MEF2D: variants seen among roughly 807,000 people sequenced by gnomAD.
MEF2D encodes the protein myocyte-specific enhancer factor 2D.
A neutral mutation model predicts 59.3 loss-of-function variants in MEF2D; 10 were observed. That is an observed-to-expected ratio of 0.17 (90% CI 0.10 to 0.29). MEF2D has a LOEUF of 0.29. MEF2D is among the 10% of genes least tolerant of loss of function. The probability of loss-of-function intolerance (pLI) is 1.00; values close to 1 mark genes in which losing one functional copy is unlikely to be tolerated. For missense variants in MEF2D, 508 were observed against 699.4 expected, an observed-to-expected ratio of 0.73 and a Z score of 3.09; for synonymous variants, 305 against 295.0, an observed-to-expected ratio of 1.03 and a Z score of -0.35.
At chr1:156,495,640 G>T (rs1256389283) in intron 1 of MEF2D, among the ~76,000 whole-genome samples, 4 of 149,724 alleles carry the variant, frequency 2.7e-5, no homozygotes, top group Non-Finnish European at 5.9e-5. Flanking sequence ...CTCGAGCCTG[G>T]ACAACAGAGC....
At chr1:156,486,205 C>G (rs1672346210) in intron 1 of MEF2D, among the ~76,000 whole-genome samples, 1 of 152,164 alleles carries the variant, frequency 6.6e-6, no homozygotes, top group Non-Finnish European at 1.5e-5. Context: ...AGCCCCAAAC[C>G]AGCTCCAGAC....
At chr1:156,482,686 C>A (rs766667957) in intron 2 of MEF2D, 46 bp from the exon 3 acceptor site, 1 of 1,581,928 alleles carries the variant, frequency 6.3e-7, no homozygotes, top group South Asian at 1.1e-5. Flanking sequence ...TCAGTTAAGG[C>A]CTGATTGGGA....
Position 156,468,944 on chromosome 1 carries a change from G to C in MEF2D, c.1083C>G (p.Val361=), listed in dbSNP as rs766764873. The change falls in exon 10 of 12, where the codon GTC becomes GTG. Residue 361 remains valine (V), a synonymous_variant. Transcript: ENST00000348159. This position sits in a 1 kb window ranked among gnomAD's most constrained non-coding sequence, Gnocchi z 4.3. ...SSPGGLSLGN[V]TAWQQPQQPQ... is the part of the protein sequence containing the mutation. ...GCTGCTGTGGCTGTTGCCAGGCAGTGACATTGCCTAGCGACAGCCCCCCAG... is the reference window on the plus strand; with the variant it reads ...GCTGCTGTGGCTGTTGCCAGGCAGTCACATTGCCTAGCGACAGCCCCCCAG... 1 of 1,613,974 alleles carries C rather than the reference G, an allele frequency of 6.2e-7. No individual in the cohort carries two copies. Among genetic ancestry groups the C allele is most frequent in the Non-Finnish European group, 8.5e-7 (1 of 1,179,920 alleles).
intron 8 of MEF2D, 81 bp downstream of exon 8, chr1:156,476,413 G>A (rs755573557): frequency 4.7e-6 from 7 of 1,496,670 alleles, no homozygotes; most frequent in African/African-American, 1.4e-5. Context: ...GGCCAAGGAC[G>A]CACACGTACT....
chr1:156,492,232 A>G (rs889082269), intron 1 of MEF2D, among the ~76,000 whole-genome samples: 2 of 152,312 alleles, frequency 1.3e-5, no homozygotes, highest in African/African-American at 2.4e-5. Context: ...TTCTAGCTCC[A>G]TTTCCAAAAC....
chr1:156,485,953 G>A (rs1220308598), intron 1 of MEF2D, among the ~76,000 whole-genome samples: 1 of 151,328 alleles, frequency 6.6e-6, no homozygotes, highest in African/African-American at 2.4e-5. Context: ...GGGTTCAAGC[G>A]ATTCTCCTGC....
chr1:156,480,639 TCA>T, intron 4 of MEF2D, 193 bp downstream of exon 4: 1 of 1,547,666 alleles, frequency 6.5e-7, no homozygotes, highest in Non-Finnish European at 8.7e-7. Context: ...ATGCGACTAC[TCA>T]CGGCCAGTCT....
intron 9 of MEF2D, among the ~76,000 whole-genome samples, chr1:156,470,127 T>C (rs1030380792): frequency 6.6e-6 from 1 of 152,222 alleles, no homozygotes. Flanking sequence ...ACAGAATAAA[T>C]AGAATCACTG....
At position 156,478,464 on chromosome 1, in the gene MEF2D, G is replaced by A. The variant is rs60969873; in HGVS notation, c.664+826C>T. On this transcript the variant is annotated intron_variant, in intron 6 of 11. Coordinates refer to ENST00000348159, the MANE Select transcript of MEF2D (RefSeq NM_005920.4). ...ATTCGAAGTCACAGTCACCCAGCCAGACAATGGCACAGGGTAGGAGGGGCT... is the reference window on the plus strand; with the variant it reads ...ATTCGAAGTCACAGTCACCCAGCCAAACAATGGCACAGGGTAGGAGGGGCT... 9.5e-3 allele frequency among the ~76,000 whole-genome samples: 1,451 copies of A among 152,298 alleles called. 16 individuals carry two copies. The highest frequency in any genetic ancestry group is 0.029 in the South Asian group (141 of 4,830).
chr1:156,472,507 G>A (rs551297614), intron 9 of MEF2D, among the ~76,000 whole-genome samples: 6 of 152,318 alleles, frequency 3.9e-5, no homozygotes, highest in East Asian at 1.9e-4. Flanking sequence ...AACCTGCCAC[G>A]AGGGGCTTTC....
chr1:156,471,489 C>T (rs1557877685), intron 9 of MEF2D, among the ~76,000 whole-genome samples: 1 of 152,230 alleles, frequency 6.6e-6, no homozygotes, highest in African/African-American at 2.4e-5. Context: ...CAGTACAGTG[C>T]CTTGCCCAAG....
chr1:156,469,251 G>A (rs984497979), intron 9 of MEF2D, among the ~76,000 whole-genome samples: 3 of 152,076 alleles, frequency 2.0e-5, no homozygotes, highest in Non-Finnish European at 1.5e-5. Flanking sequence ...GAAAAGATGT[G>A]GTTTTTGTTT....
intron 1 of MEF2D, among the ~76,000 whole-genome samples, chr1:156,498,374 A>G (rs939382240): frequency 2.0e-5 from 3 of 151,952 alleles, no homozygotes; most frequent in Admixed American, 2.0e-4. Flanking sequence ...CCCCCAACAC[A>G]AGGATCATGA....
At chr1:156,499,785 G>A (rs895794811) in intron 1 of MEF2D, among the ~76,000 whole-genome samples, 3 of 152,102 alleles carry the variant, frequency 2.0e-5, no homozygotes, top group Non-Finnish European at 1.5e-5. Flanking sequence ...CACATCAGGG[G>A]TCTCGGAAGC....
chr1:156,474,444 C>T (rs1671435190), intron 9 of MEF2D, among the ~76,000 whole-genome samples: 1 of 152,018 alleles, frequency 6.6e-6, no homozygotes, highest in Non-Finnish European at 1.5e-5. Context: ...AGTGAGACTA[C>T]CTCAAAAAAA....
chr1:156,475,193 G>A lies in MEF2D; in HGVS notation c.921C>T (p.Leu307=). The A allele has an allele frequency of 4.3e-6, 7 of 1,614,032 alleles. No homozygotes were observed. The highest frequency in any genetic ancestry group is 3.3e-5 in the Admixed American group (2 of 60,020). ...TTGCCACAGAAACCACTGGGGTGGT[G>A]AGCGAATGAGTAGACTGGGAGACCC... ...RLGVSQSTHS[L]TTPVVSVATP... is the part of the protein sequence containing the mutation. Residue 307 remains leucine, a synonymous_variant, in exon 9 of 12, where the codon CTC becomes CTT. Transcript: ENST00000348159.
intron 1 of MEF2D, among the ~76,000 whole-genome samples, chr1:156,488,008 C>A (rs1386428049): frequency 6.6e-6 from 1 of 152,240 alleles, no homozygotes; most frequent in Non-Finnish European, 1.5e-5. Flanking sequence ...GGCCCCAGGG[C>A]CTGCCCAATC....
chr1:156,473,412 A>G (rs1671370485), intron 9 of MEF2D, among the ~76,000 whole-genome samples: 1 of 152,132 alleles, frequency 6.6e-6, no homozygotes, highest in Non-Finnish European at 1.5e-5. Flanking sequence ...AAGGGGGAGA[A>G]GTTTATGAGT....
chr1:156,486,391 G>A (rs1035963667), intron 1 of MEF2D, among the ~76,000 whole-genome samples: 10 of 152,326 alleles, frequency 6.6e-5, no homozygotes, highest in Non-Finnish European at 1.3e-4. Flanking sequence ...GGCAAGGGGA[G>A]GGGGCTACAA....
Sources: allele counts gnomAD v4.1 joint callset (sites outside exome capture counted in the v4.1 genomes callset), GRCh38; gene constraint gnomAD v4.1.1; non-coding constraint Gnocchi (gnomAD v3.1); transcripts MANE v1.5; gene names NCBI Gene and HGNC (gene_info 2026-07-23, HGNC 2026-07-21).